NKAIN2: variants seen among roughly 807,000 people sequenced by gnomAD.
The protein encoded by NKAIN2 is sodium/potassium transporting ATPase interacting 2.
In NKAIN2, 14 loss-of-function variants were observed where a neutral mutation model predicts 32.6. The observed-to-expected ratio is 0.43, with a 90% CI of 0.28 to 0.67. The LOEUF (loss-of-function observed/expected upper bound fraction) is 0.67. Among genes scored for constraint, NKAIN2 ranks in the 30% least tolerant of loss-of-function variants. The pLI is 0.17. For missense variants in NKAIN2, 198 were observed against 258.3 expected, an observed-to-expected ratio of 0.77 and a Z score of 1.60; for synonymous variants, 80 against 87.2, an observed-to-expected ratio of 0.92 and a Z score of 0.46.
At chr6:124,296,484 C>CA (rs1205839842) in intron 2 of NKAIN2, among the ~76,000 whole-genome samples, 1 of 151,974 alleles carries the variant, frequency 6.6e-6, no homozygotes, top group Non-Finnish European at 1.5e-5. Context: ...ATTTCATTTA[C>CA]AAGAATGTTT....
rs989814346 is a variant in NKAIN2 at position 124,036,614 on chromosome 6, G to A, written c.54+232360G>A. Among the ~76,000 whole-genome samples, 13 of 151,938 alleles carry A rather than the reference G, an allele frequency of 8.6e-5. 1 individual carries two copies. The highest frequency in any genetic ancestry group is 3.3e-4 in the Admixed American group (5 of 15,232). On this transcript the variant is annotated intron_variant, in intron 1 of 6. Coordinates refer to ENST00000368417, the MANE Select transcript of NKAIN2 (RefSeq NM_001040214.3). ...AAGAGTTCATCAGCTAATCTCTCTC[G>A]TGTGTCTATTTTAAGTTCCTTTACA...
chr6:124,068,358 A>G (rs1022678461), intron 1 of NKAIN2, among the ~76,000 whole-genome samples: 1 of 152,132 alleles, frequency 6.6e-6, no homozygotes, highest in Non-Finnish European at 1.5e-5. Flanking sequence ...AAAGACATAA[A>G]ATAATCTAGG....
At chr6:124,740,648 C>T (rs773471783) in intron 4 of NKAIN2, among the ~76,000 whole-genome samples, 7 of 151,782 alleles carry the variant, frequency 4.6e-5, no homozygotes, top group Non-Finnish European at 8.8e-5. Context: ...ATGGGAGGAA[C>T]GTTCCAGGAA....
At chr6:124,019,853 A>G (rs1015791208) in intron 1 of NKAIN2, among the ~76,000 whole-genome samples, 1 of 152,180 alleles carries the variant, frequency 6.6e-6, no homozygotes, top group Non-Finnish European at 1.5e-5. Flanking sequence ...CTCCATTATA[A>G]CTAAACACTT....
At chr6:124,266,468 G>A (rs1226419101) in intron 1 of NKAIN2, among the ~76,000 whole-genome samples, 1 of 151,954 alleles carries the variant, frequency 6.6e-6, no homozygotes, top group Non-Finnish European at 1.5e-5. Context: ...TGGTAGAGAT[G>A]GGGTTTCGCC....
intron 3 of NKAIN2, among the ~76,000 whole-genome samples, chr6:124,407,321 A>C (rs1269351292): frequency 1.3e-5 from 2 of 150,976 alleles, no homozygotes; most frequent in Non-Finnish European, 1.5e-5. Flanking sequence ...CATTAGGTAT[A>C]TCTCCTAATG....
intron 4 of NKAIN2, among the ~76,000 whole-genome samples, chr6:124,746,773 TA>T (rs1268005174): frequency 4.6e-5 from 7 of 151,910 alleles, no homozygotes; most frequent in African/African-American, 1.7e-4. Flanking sequence ...TAAAAACTTC[TA>T]GACTCGGTTC....
chr6:123,834,388 C>T (rs940953346), intron 1 of NKAIN2, among the ~76,000 whole-genome samples: 1 of 152,028 alleles, frequency 6.6e-6, no homozygotes, highest in Non-Finnish European at 1.5e-5. Flanking sequence ...CTCCTGACCT[C>T]AGGTGAGCCA....
intron 3 of NKAIN2, among the ~76,000 whole-genome samples, chr6:124,408,646 G>T (rs1263274841): frequency 6.6e-6 from 1 of 152,140 alleles, no homozygotes; most frequent in Non-Finnish European, 1.5e-5. Flanking sequence ...CTCCAGCTTT[G>T]TTCTTTTGGC....
Position 124,136,126 on chromosome 6 carries a change from A to G in NKAIN2, c.55-146879A>G, listed in dbSNP as rs1185990586. The stretch of plus-strand genomic sequence containing the variant: ...AAAAGATAAATACGATTGATAAACC[A>G]TTAGCAAGATTTACCAAGAAAAGAG... On this transcript the variant is annotated intron_variant, in intron 1 of 6. Coordinates refer to ENST00000368417, the MANE Select transcript of NKAIN2 (RefSeq NM_001040214.3). 3.9e-5 allele frequency among the ~76,000 whole-genome samples: 6 copies of G among 152,196 alleles called. No individual in the cohort carries two copies. The South Asian group carries it at 1.0e-3, about 26-fold the overall frequency.
intron 4 of NKAIN2, 62 bp downstream of exon 4, chr6:124,658,448 A>C: frequency 1.9e-6 from 3 of 1,612,214 alleles, no homozygotes; most frequent in Non-Finnish European, 2.5e-6. Flanking sequence ...TTCTGTGCGA[A>C]CTCAGTGCAC....
At chr6:124,281,228 CTATT>C (rs1795279813) in intron 1 of NKAIN2, among the ~76,000 whole-genome samples, 1 of 152,138 alleles carries the variant, frequency 6.6e-6, no homozygotes, top group African/African-American at 2.4e-5. Context: ...TTCCTATTCA[CTATT>C]TATTCATAAA....
intron 1 of NKAIN2, among the ~76,000 whole-genome samples, chr6:124,117,496 A>G (rs1256094879): frequency 2.0e-5 from 3 of 152,164 alleles, no homozygotes; most frequent in Non-Finnish European, 4.4e-5. Context: ...CCATATTGGC[A>G]TCATGCCGTC....
chr6:124,595,014 G>C (rs72973894), intron 3 of NKAIN2, among the ~76,000 whole-genome samples: 2,953 of 152,266 alleles, frequency 0.019, 35 homozygotes, highest in Non-Finnish European at 0.028. Context: ...AGAGACAGAG[G>C]AAAAGAGGTT....
intron 2 of NKAIN2, among the ~76,000 whole-genome samples, chr6:124,348,829 G>C (rs894522639): frequency 6.6e-6 from 1 of 152,134 alleles, no homozygotes; most frequent in African/African-American, 2.4e-5. Context: ...GGGTCAGGGA[G>C]TTCCCTTTCC....
chr6:124,397,967 C>A (rs916195843), intron 3 of NKAIN2, among the ~76,000 whole-genome samples: 4 of 151,900 alleles, frequency 2.6e-5, no homozygotes, highest in Admixed American at 6.6e-5. Flanking sequence ...AATGAAGATA[C>A]CCGGGGCCGG....
intron 3 of NKAIN2, among the ~76,000 whole-genome samples, chr6:124,570,179 A>G (rs974151080): frequency 1.3e-5 from 2 of 152,220 alleles, no homozygotes; most frequent in African/African-American, 2.4e-5. Flanking sequence ...TCAAAAGCTG[A>G]CTTGGGTGCT....
intron 4 of NKAIN2, among the ~76,000 whole-genome samples, chr6:124,715,043 A>G (rs927936973): frequency 3.9e-5 from 6 of 152,218 alleles, no homozygotes; most frequent in Non-Finnish European, 7.3e-5. Context: ...GTTTAACCCT[A>G]TAAATGCCAC....
chr6:124,172,668 T>C (rs968276840), intron 1 of NKAIN2, among the ~76,000 whole-genome samples: 29 of 152,186 alleles, frequency 1.9e-4, no homozygotes, highest in Non-Finnish European at 2.9e-5. Context: ...AGAATCTGTA[T>C]AAACTTATGG....
Sources: gnomAD v4.1 joint callset for allele counts (sites outside exome capture counted in the v4.1 genomes callset) on GRCh38, gnomAD v4.1.1 for gene constraint, MANE v1.5 for transcripts, NCBI Gene and HGNC (gene_info 2026-07-23, HGNC 2026-07-21) for gene names.